The following SGCG variants were observed in gnomAD, a reference collection of about 807,000 sequenced individuals.
SGCG encodes sarcoglycan gamma, also known as gamma-sarcoglycan.
In SGCG, 26 loss-of-function variants were observed where a neutral mutation model predicts 29.3. The ratio of observed to expected loss-of-function variants is 0.89; its 90% CI spans 0.65 to 1.23. The LOEUF is 1.23. Among genes scored for constraint, SGCG ranks in the 50% most tolerant of loss-of-function variants. SGCG has a pLI of 0.00. For missense variants in SGCG, 353 were observed against 356.0 expected, an observed-to-expected ratio of 0.99 and a Z score of 0.07; for synonymous variants, 145 against 129.7, an observed-to-expected ratio of 1.12 and a Z score of -0.80.
At chr13:23,272,460 C>T (rs1880908140) in intron 4 of SGCG, among the ~76,000 whole-genome samples, 1 of 152,186 alleles carries the variant, frequency 6.6e-6, no homozygotes, top group South Asian at 2.1e-4. Flanking sequence ...TCATTCCTCA[C>T]TTAAAGTCAA....
rs485848 is a variant in SGCG at position 23,310,244 on chromosome 13, A to G, written c.579-10393A>G. ...TGGGACTACAGGCGCCCGCCACCAC[A>G]CCCGGGTAATTTTTTGTATTTTTAG... On this transcript the variant is annotated intron_variant, in intron 6 of 7. Coordinates refer to ENST00000218867, the MANE Select transcript of SGCG (RefSeq NM_000231.3). 2.3e-3 allele frequency among the ~76,000 whole-genome samples: 348 copies of G among 149,084 alleles called. 3 individuals are homozygous for G. Among genetic ancestry groups the G allele is most frequent in the East Asian group, 0.016 (79 of 5,060 alleles).
At chr13:23,231,716 A>G (rs974570311) in intron 2 of SGCG, among the ~76,000 whole-genome samples, 2 of 152,232 alleles carry the variant, frequency 1.3e-5, no homozygotes, top group South Asian at 2.1e-4. Context: ...AAACTATATT[A>G]TAAATGCCTG....
intron 3 of SGCG, among the ~76,000 whole-genome samples, chr13:23,241,384 A>ACATAAAAAATGTATG (rs1368981957): frequency 6.6e-6 from 1 of 152,272 alleles, no homozygotes; most frequent in East Asian, 1.9e-4. Flanking sequence ...ATGGATAAAT[A>ACATAAAAAATGTATG]TTTGGATACA....
At chr13:23,242,664 C>T (rs1438491683) in intron 3 of SGCG, among the ~76,000 whole-genome samples, 4 of 152,024 alleles carry the variant, frequency 2.6e-5, no homozygotes, top group Non-Finnish European at 5.9e-5. Context: ...TTCTAAAAGG[C>T]ATCATTAGCT....
the SGCG span, among the ~76,000 whole-genome samples, chr13:23,173,153 T>C: frequency 5.6e-4 from 85 of 152,146 alleles, 1 homozygote; most frequent in Admixed American, 4.6e-4. Context: ...AATGTTACAT[T>C]CTGGGCAAGG....
intron 1 of SGCG, among the ~76,000 whole-genome samples, chr13:23,191,806 A>C (rs1386553338): frequency 6.6e-6 from 1 of 152,186 alleles, no homozygotes; most frequent in South Asian, 2.1e-4. Flanking sequence ...GTCAAGCCCT[A>C]AAATACACTA....
intron 1 of SGCG, among the ~76,000 whole-genome samples, chr13:23,188,188 C>A (rs986063522): frequency 2.6e-5 from 4 of 151,948 alleles, no homozygotes; most frequent in African/African-American, 7.3e-5. Context: ...ATAATTAATT[C>A]TTTACTTTGC....
chr13:23,259,211 C>T (rs1286745148), intron 4 of SGCG, among the ~76,000 whole-genome samples: 1 of 152,140 alleles, frequency 6.6e-6, no homozygotes, highest in Non-Finnish European at 1.5e-5. Context: ...ATTATTGCCT[C>T]AATTTCAGCG....
At chr13:23,281,712 C>T (rs1002916415) in intron 5 of SGCG, among the ~76,000 whole-genome samples, 8 of 152,180 alleles carry the variant, frequency 5.3e-5, no homozygotes, top group African/African-American at 1.4e-4. Context: ...ATCAGGAGCA[C>T]GCAACCTAGA....
chr13:23,299,473 A>T (rs1160579447), intron 6 of SGCG, among the ~76,000 whole-genome samples: 63 of 11,176 alleles, frequency 5.6e-3, no homozygotes, highest in Non-Finnish European at 9.8e-3. Context: ...TTTTTTTTTT[A>T]GTCGGAGTCT....
At chr13:23,322,633 C>G (rs760076798) in intron 7 of SGCG, among the ~76,000 whole-genome samples, 1 of 152,114 alleles carries the variant, frequency 6.6e-6, no homozygotes, top group Non-Finnish European at 1.5e-5. Flanking sequence ...CTCCATACAC[C>G]GGGTGAATGT....
At chr13:23,263,935 T>C (rs1012252553) in intron 4 of SGCG, among the ~76,000 whole-genome samples, 3 of 152,012 alleles carry the variant, frequency 2.0e-5, no homozygotes, top group African/African-American at 7.2e-5. Flanking sequence ...CTCAAAATAA[T>C]AGAAGCCATA....
At chr13:23,223,490 T>G (rs1878767411) in intron 2 of SGCG, among the ~76,000 whole-genome samples, 1 of 152,118 alleles carries the variant, frequency 6.6e-6, no homozygotes, top group African/African-American at 2.4e-5. Flanking sequence ...AGAATAAAAT[T>G]TTAAAGATTA....
At chr13:23,241,397 C>G (rs1879508731) in intron 3 of SGCG, among the ~76,000 whole-genome samples, 1 of 152,046 alleles carries the variant, frequency 6.6e-6, no homozygotes, top group Non-Finnish European at 1.5e-5. Flanking sequence ...TGGATACATA[C>G]AACCTTCCAA....
chr13:23,283,903 T>G (rs142214391), intron 5 of SGCG, among the ~76,000 whole-genome samples: 17 of 152,330 alleles, frequency 1.1e-4, no homozygotes, highest in African/African-American at 3.8e-4. Flanking sequence ...GGTTGAAAAT[T>G]CTTTTCTTTA....
At chr13:23,304,208 T>A (rs1193891353) in intron 6 of SGCG, among the ~76,000 whole-genome samples, 2 of 152,230 alleles carry the variant, frequency 1.3e-5, no homozygotes, top group East Asian at 1.9e-4. Context: ...TATTGTACTT[T>A]ATGCTGTGCA....
rs190928594 is a variant in SGCG at position 23,266,157 on chromosome 13, A to C, written c.386-13202A>C. Among the ~76,000 whole-genome samples, 149 of 152,142 alleles carry C rather than the reference A, an allele frequency of 9.8e-4. 2 individuals are homozygous for C. The East Asian group carries it at 0.025, about 26-fold the overall frequency. On this transcript the variant is annotated intron_variant, in intron 4 of 7. Transcript: ENST00000218867. ...TATGGTGGCAGGCGCCTGTAATCCCAGCTACTCAAGAGGCTGAGGCAGGAG... is the reference window on the plus strand; with the variant it reads ...TATGGTGGCAGGCGCCTGTAATCCCCGCTACTCAAGAGGCTGAGGCAGGAG...
At chr13:23,248,362 G>A (rs1879803922) in intron 3 of SGCG, among the ~76,000 whole-genome samples, 1 of 152,128 alleles carries the variant, frequency 6.6e-6, no homozygotes, top group South Asian at 2.1e-4. Context: ...AAAGGAATGA[G>A]CATTGTAGTT....
intron 4 of SGCG, among the ~76,000 whole-genome samples, chr13:23,265,919 A>C (rs1880621608): frequency 1.3e-5 from 2 of 152,212 alleles, no homozygotes; most frequent in African/African-American, 4.8e-5. Flanking sequence ...CTGGGTATCT[A>C]CCCAAAGGAA....
Sources: gnomAD v4.1 joint callset for allele counts (sites outside exome capture counted in the v4.1 genomes callset) on GRCh38, gnomAD v4.1.1 for gene constraint, MANE v1.5 for transcripts, NCBI Gene and HGNC (gene_info 2026-07-23, HGNC 2026-07-21) for gene names.